Variants in BUB1 observed in about 807,000 individuals in gnomAD.
BUB1 encodes the protein mitotic checkpoint serine/threonine-protein kinase BUB1.
In BUB1, 84 loss-of-function variants were observed where a neutral mutation model predicts 135.2. The ratio of observed to expected loss-of-function variants is 0.62; its 90% CI spans 0.52 to 0.74. The LOEUF is 0.74. Among genes scored for constraint, BUB1 ranks in the 30% least tolerant of loss-of-function variants. The probability of loss-of-function intolerance (pLI) is 0.00; values close to 1 mark genes in which losing one functional copy is unlikely to be tolerated. For missense variants in BUB1, 1,162 were observed against 1,288.3 expected (o/e 0.90, Z 1.50); for synonymous variants, 403 against 434.4 (o/e 0.93, Z 0.90).
Position 110,667,560 on chromosome 2 carries a change from C to A in BUB1, c.766G>T (p.Ala256Ser). The A allele has an allele frequency of 6.2e-7, 1 of 1,613,876 alleles. No individual in the cohort carries two copies. Among genetic ancestry groups the A allele is most frequent in the East Asian group, 2.2e-5 (1 of 44,864 alleles). Reference sequence around the variant, plus strand: ...TTTCTCCGTTGATTGTATTTCTGGGCTCTCAATTCTTCAAAGGAAAATTCT... The same window carrying A: ...TTTCTCCGTTGATTGTATTTCTGGGATCTCAATTCTTCAAAGGAAAATTCT... Reference protein sequence around the residue: ...ESEFSFEELRAQKYNQRRKHE... With the variant: ...ESEFSFEELRSQKYNQRRKHE... Residue 256 changes from alanine to serine, a missense_variant, in exon 8 of 25, where the codon GCC (alanine) becomes TCC (serine). Ala to Ser is a moderately conservative substitution (Grantham distance 99). Transcript: ENST00000302759.
At chr2:110,658,372 T>C (rs1177631104) in intron 13 of BUB1, 38 bp downstream of exon 13, 2 of 1,514,684 alleles carry the variant, frequency 1.3e-6, no homozygotes, top group Non-Finnish European at 1.8e-6. Flanking sequence ...TAACCACCTA[T>C]AATGCTATGC....
intron 1 of BUB1, among the ~76,000 whole-genome samples, chr2:110,675,607 ATTT>A (rs774492463): frequency 1.7e-4 from 24 of 145,336 alleles, no homozygotes; most frequent in African/African-American, 5.8e-4. Flanking sequence ...ACACTATAAG[ATTT>A]TTTTTTTTTT....
At chr2:110,645,585 ATGTGTG>A (rs141013722) in intron 19 of BUB1, among the ~76,000 whole-genome samples, 1 of 146,610 alleles carries the variant, frequency 6.8e-6, no homozygotes, top group Non-Finnish European at 1.5e-5. Context: ...CGTTACGTGT[ATGTGTG>A]TGTGTGTGTG....
chr2:110,644,058 CAAAAAAAAAAAA>C (rs58393999), intron 19 of BUB1, among the ~76,000 whole-genome samples: 1 of 39,690 alleles, frequency 2.5e-5, no homozygotes, highest in African/African-American at 1.2e-4. Context: ...AACTGAAATG[CAAAAAAAAAAAA>C]AAAAAAAAAA....
In BUB1 at chr2:110,641,051, T is replaced by G. The variant is rs925302224; in HGVS notation, c.2938A>C (p.Lys980Gln). 2.5e-6 allele frequency: 4 copies of G among 1,588,490 alleles called. No homozygotes were observed. The highest frequency in any genetic ancestry group is 3.4e-6 in the Non-Finnish European group (4 of 1,169,796). ...TTTTATACCTGGTAGTTCCATGGTT[T>G]GTTGCTGAGCATCTCAACACACTGA... ...GFQCVEMLSN[K>Q]PWNYQIDYFG... is the part of the protein sequence containing the mutation. Residue 980 changes from lysine (K) to glutamine (Q), a missense_variant, in exon 23 of 25, where the codon AAA (lysine) becomes CAA (glutamine). Lys to Gln is a moderately conservative substitution (Grantham distance 53). Transcript: ENST00000302759.
intron 9 of BUB1, among the ~76,000 whole-genome samples, chr2:110,663,046 C>T (rs1040539107): frequency 3.9e-5 from 6 of 151,994 alleles, no homozygotes; most frequent in South Asian, 2.1e-4. Context: ...AGTTGGAGGC[C>T]GAGGTAGGTG....
In BUB1 at chr2:110,639,787, A is replaced by C; in HGVS notation, c.3017T>G (p.Val1006Gly). The C allele has an allele frequency of 6.2e-7, 1 of 1,613,692 alleles. No individual in the cohort carries two copies. The highest frequency in any genetic ancestry group is 8.5e-7 in the Non-Finnish European group (1 of 1,179,940). Reference protein sequence around the residue: ...YCMLFGTYMKVKNEGGECKPE... With the variant: ...YCMLFGTYMKGKNEGGECKPE... ...CTTACACTCTCCTCCTTCATTTTTC[A>C]CTTTCATGTAAGTGCCAAAGAGCAT... The change falls in exon 24 of 25, where the codon GTG (valine) becomes GGG (glycine). Residue 1006 changes from valine to glycine, a missense_variant. By Grantham distance (109) the Val-to-Gly change is moderately radical. Transcript: ENST00000302759.
At chr2:110,667,936 T>C (rs1690307871) in intron 6 of BUB1, 87 bp from the exon 7 acceptor site, 2 of 1,310,922 alleles carry the variant, frequency 1.5e-6, no homozygotes, top group Non-Finnish European at 2.1e-6. Context: ...ATGAAAATGC[T>C]TGAGGGGAAG....
At chr2:110,664,474 G>A (rs773378983) in intron 9 of BUB1, among the ~76,000 whole-genome samples, 12 of 151,908 alleles carry the variant, frequency 7.9e-5, no homozygotes, top group Admixed American at 3.9e-4. Context: ...CTAGAACATT[G>A]TGCCCAACCA....
chr2:110,637,976 A>G lies in BUB1; in HGVS notation c.3246T>C (p.Arg1082=). ...CTATATCCAAATTTTATTTTCGTGA[A>G]CGCTTACATTCTAAGAGCAGTACAA... The part of the protein sequence containing the change: ...RLIVLLLECK[R]SRK The change falls in exon 25 of 25, where the codon CGT becomes CGC. Residue 1082 remains arginine (R), a synonymous_variant. Coordinates refer to ENST00000302759, the MANE Select transcript of BUB1 (RefSeq NM_004336.5). 6.7e-7 allele frequency: 1 copy of G among 1,493,706 alleles called. No homozygotes were observed. The highest frequency in any genetic ancestry group is 1.4e-5 in the African/African-American group (1 of 70,626). The allele number at this position is 1,493,706 out of a possible 1,614,324, so 92.5% of individuals were successfully genotyped here. A position where few individuals can be genotyped will look rare whatever the true frequency, so the allele number is the denominator to read the frequency against.
At chr2:110,673,606 G>C (rs971213373) in intron 3 of BUB1, among the ~76,000 whole-genome samples, 6 of 151,790 alleles carry the variant, frequency 4.0e-5, no homozygotes, top group South Asian at 2.1e-4. Flanking sequence ...GGGGGAGCGG[G>C]GGGTGGGGAC....
intron 9 of BUB1, 147 bp from the exon 10 acceptor site, chr2:110,661,988 T>C: frequency 1.1e-6 from 1 of 927,664 alleles, no homozygotes; most frequent in Non-Finnish European, 1.6e-6. Context: ...TCTTCAAGCA[T>C]TCTGAAATGT....
intron 6 of BUB1, 84 bp downstream of exon 6, chr2:110,669,369 T>C: frequency 1.1e-6 from 1 of 915,382 alleles, no homozygotes; most frequent in South Asian, 1.4e-5. Context: ...AGAAATGAGA[T>C]GTCAAAGTGG....
chr2:110,658,204 C>CT (rs79645151), intron 13 of BUB1, among the ~76,000 whole-genome samples: 101 of 144,328 alleles, frequency 7.0e-4, no homozygotes, highest in Middle Eastern at 7.2e-3. Context: ...TAGCACTATT[C>CT]TTTTTTTTTT....
At chr2:110,677,190 G>A (rs1219646345) in intron 1 of BUB1, among the ~76,000 whole-genome samples, 4 of 152,134 alleles carry the variant, frequency 2.6e-5, no homozygotes, top group Non-Finnish European at 5.9e-5. Flanking sequence ...AAAGGGGCGG[G>A]GGACTTCTGA....
intron 10 of BUB1, 102 bp from the exon 11 acceptor site, chr2:110,660,138 G>A (rs888876049): frequency 2.4e-5 from 21 of 881,896 alleles, no homozygotes; most frequent in Middle Eastern, 3.6e-4. Context: ...TTGGGAGGCC[G>A]AGGCGGGAGG....
chr2:110,657,884 T>C (rs1225785724), intron 13 of BUB1, among the ~76,000 whole-genome samples: 2 of 152,236 alleles, frequency 1.3e-5, no homozygotes, highest in Non-Finnish European at 1.5e-5. Context: ...AAGGTGTTAA[T>C]CATTCTCCTA....
chr2:110,655,706 A>G, intron 16 of BUB1, 33 bp downstream of exon 16: 4 of 1,478,842 alleles, frequency 2.7e-6, no homozygotes, highest in Non-Finnish European at 3.7e-6. Flanking sequence ...CAAAGTTGGC[A>G]GAAGACAGAC....
chr2:110,637,902 G>T lies in BUB1; in HGVS notation c.*62C>A. On this transcript the variant is annotated 3_prime_UTR_variant, in exon 25 of 25. Transcript: ENST00000302759. ...ATAAACAATAAATGAAAAAAAAACA[G>T]GTTTAAAGTGAGCAGATTCATATTT... 8.7e-7 allele frequency: 1 copy of T among 1,147,722 alleles called. No homozygotes were observed. 71.1% of individuals were successfully genotyped at this position (1,147,722 alleles called of 1,614,324 possible).
Sources: gnomAD v4.1 joint callset for allele counts (sites outside exome capture counted in the v4.1 genomes callset) on GRCh38, gnomAD v4.1.1 for gene constraint, MANE v1.5 for transcripts, NCBI Gene and HGNC (gene_info 2026-07-23, HGNC 2026-07-21) for gene names.